PICALM: variants seen among roughly 807,000 people sequenced by gnomAD.
The protein encoded by PICALM is phosphatidylinositol binding clathrin assembly protein.
Under a neutral mutation model 80.5 loss-of-function variants are expected in PICALM, and 40 were observed. The ratio of observed to expected loss-of-function variants is 0.50; its 90% CI spans 0.39 to 0.65. The LOEUF is 0.65. PICALM is among the 30% of genes least tolerant of loss of function. The probability of loss-of-function intolerance (pLI) is 0.00; values close to 1 mark genes in which losing one functional copy is unlikely to be tolerated. For missense variants in PICALM, 676 were observed against 778.9 expected (o/e 0.87, Z 1.57); for synonymous variants, 288 against 260.3 (o/e 1.11, Z -1.02).
At chr11:86,050,521 T>C (rs966760862) in intron 1 of PICALM, among the ~76,000 whole-genome samples, 4 of 152,194 alleles carry the variant, frequency 2.6e-5, no homozygotes, top group Non-Finnish European at 5.9e-5. Flanking sequence ...ACAGCATTCA[T>C]ATAATTTAAG....
At chr11:85,983,051 A>G (rs913639364) in intron 14 of PICALM, among the ~76,000 whole-genome samples, 1 of 152,212 alleles carries the variant, frequency 6.6e-6, no homozygotes, top group African/African-American at 2.4e-5. Context: ...AAAAAATATT[A>G]TCATAAACCT....
chr11:85,991,181 A>G (rs1176491348), intron 12 of PICALM, among the ~76,000 whole-genome samples: 2 of 152,186 alleles, frequency 1.3e-5, no homozygotes, highest in African/African-American at 4.8e-5. Context: ...ACTGAAATCT[A>G]TTTTTCCTTA....
intron 4 of PICALM, 74 bp from the exon 5 acceptor site, chr11:86,015,037 T>A: frequency 1.2e-6 from 1 of 861,268 alleles, no homozygotes; most frequent in Non-Finnish European, 1.8e-6. Flanking sequence ...CCCCCCTGGT[T>A]TTCTACTAAA....
intron 4 of PICALM, among the ~76,000 whole-genome samples, chr11:86,021,432 T>C (rs1389420927): frequency 6.8e-6 from 1 of 147,808 alleles, no homozygotes; most frequent in African/African-American, 2.5e-5. Context: ...TCATTAGCCA[T>C]CAGGGAAATG....
At chr11:85,990,626 C>T (rs1391824813) in intron 12 of PICALM, among the ~76,000 whole-genome samples, 1 of 152,046 alleles carries the variant, frequency 6.6e-6, no homozygotes, top group Non-Finnish European at 1.5e-5. Flanking sequence ...TTTGTTAACA[C>T]CACAAAGCCA....
chr11:86,054,922 C>G (rs2096246535), intron 1 of PICALM, among the ~76,000 whole-genome samples: 1 of 152,136 alleles, frequency 6.6e-6, no homozygotes, highest in Non-Finnish European at 1.5e-5. Context: ...CAGGCGTGAG[C>G]CACTGTGCCT....
intron 1 of PICALM, among the ~76,000 whole-genome samples, chr11:86,037,761 G>A (rs1443718888): frequency 6.6e-6 from 1 of 151,904 alleles, no homozygotes; most frequent in Non-Finnish European, 1.5e-5. Flanking sequence ...CAAATACAAG[G>A]TGATGCATAC....
At chr11:86,037,612 T>C (rs1220901289) in intron 1 of PICALM, among the ~76,000 whole-genome samples, 3 of 151,500 alleles carry the variant, frequency 2.0e-5, no homozygotes, top group Admixed American at 1.3e-4. Flanking sequence ...GGCGGGAAGA[T>C]AGTTTAAGCC....
chr11:85,970,033 G>C (rs1043270346), intron 19 of PICALM, among the ~76,000 whole-genome samples: 1 of 152,096 alleles, frequency 6.6e-6, no homozygotes, highest in Non-Finnish European at 1.5e-5. Context: ...TGATGAAAAA[G>C]GTAAGTTTAC....
intron 3 of PICALM, among the ~76,000 whole-genome samples, chr11:86,023,141 T>C (rs1344470731): frequency 1.3e-5 from 2 of 152,228 alleles, no homozygotes; most frequent in Non-Finnish European, 2.9e-5. Context: ...CTTTGTGTTT[T>C]AGTTATTACC....
intron 1 of PICALM, among the ~76,000 whole-genome samples, chr11:86,047,760 C>A (rs1332692745): frequency 6.6e-6 from 1 of 152,120 alleles, no homozygotes; most frequent in East Asian, 1.9e-4. Flanking sequence ...TAGATTAAGT[C>A]TATAAGCCCA....
At chr11:86,007,765 T>C (rs1032231812) in intron 7 of PICALM, among the ~76,000 whole-genome samples, 182 bp from the exon 8 acceptor site, 2 of 152,106 alleles carry the variant, frequency 1.3e-5, no homozygotes, top group Admixed American at 6.6e-5. Context: ...TTGGTGGCCC[T>C]AAAAGTTCTT....
At chr11:85,990,493 A>G (rs1203242252) in intron 12 of PICALM, 94 bp from the exon 13 acceptor site, 2 of 630,692 alleles carry the variant, frequency 3.2e-6, no homozygotes, top group African/African-American at 3.8e-5. Context: ...AAAAGTAGTA[A>G]CTATATTATT....
chr11:85,993,383 G>C (rs1263720587), intron 12 of PICALM, among the ~76,000 whole-genome samples: 2 of 151,560 alleles, frequency 1.3e-5, no homozygotes, highest in African/African-American at 4.8e-5. Context: ...ACTGCACCCA[G>C]TCTAAAATTT....
At chr11:86,013,472 G>A (rs2095431985) in intron 5 of PICALM, among the ~76,000 whole-genome samples, 1 of 151,726 alleles carries the variant, frequency 6.6e-6, no homozygotes, top group Admixed American at 6.6e-5. Context: ...TATTGAAATA[G>A]GTTTACAAAT....
intron 1 of PICALM, among the ~76,000 whole-genome samples, chr11:86,041,384 C>G (rs1234671917): frequency 6.6e-6 from 1 of 152,152 alleles, no homozygotes; most frequent in East Asian, 1.9e-4. Flanking sequence ...CCTCCTGCCA[C>G]TATACTGATA....
At chr11:85,969,316 T>C (rs929116839) in intron 19 of PICALM, among the ~76,000 whole-genome samples, 3 of 152,216 alleles carry the variant, frequency 2.0e-5, no homozygotes, top group Admixed American at 6.5e-5. Flanking sequence ...CTACAAGTTA[T>C]GCCTTAGGTA....
chr11:86,036,522 A>G (rs1293742300), intron 1 of PICALM, among the ~76,000 whole-genome samples: 2 of 152,210 alleles, frequency 1.3e-5, no homozygotes, highest in Non-Finnish European at 2.9e-5. Context: ...AAATACTCTT[A>G]AAGACAGAAT....
Position 85,983,843 on chromosome 11 carries a change from T to G in PICALM, c.1516+23A>C, listed in dbSNP as rs946314140. ...TCTAAATTAGGACATTATAATATTTTTAATAAAATTTTTTTTCCTTACCCC... is the reference window on the plus strand; with the variant it reads ...TCTAAATTAGGACATTATAATATTTGTAATAAAATTTTTTTTCCTTACCCC... On this transcript the variant is annotated intron_variant, in intron 14 of 19. Coordinates refer to ENST00000393346, the MANE Select transcript of PICALM (RefSeq NM_007166.4). 3 of 949,540 alleles carry G rather than the reference T, an allele frequency of 3.2e-6. No individual in the cohort carries two copies. The African/African-American group carries it at 5.0e-5, about 16-fold the overall frequency. The allele number at this position is 949,540 out of a possible 1,614,324, so 58.8% of individuals were successfully genotyped here. A position where few individuals can be genotyped will look rare whatever the true frequency, so the allele number is the denominator to read the frequency against.
Sources: allele counts gnomAD v4.1 joint callset (sites outside exome capture counted in the v4.1 genomes callset), GRCh38; gene constraint gnomAD v4.1.1; transcripts MANE v1.5; gene names NCBI Gene and HGNC (gene_info 2026-07-23, HGNC 2026-07-21).